The following WDR27 variants were observed in gnomAD, a reference collection of about 807,000 sequenced individuals.
WDR27 encodes WD repeat domain 27, also known as WD repeat-containing protein 27.
WDR27 carries 100 observed loss-of-function variants against 114.4 expected under a neutral mutation model. That is an observed-to-expected ratio of 0.87 (90% CI 0.74 to 1.03). The LOEUF is 1.03. WDR27 is among the 50% of genes least tolerant of loss of function. WDR27 has a pLI of 0.00. For missense variants in WDR27, 1,129 were observed against 1,092.9 expected, an observed-to-expected ratio of 1.03 and a Z score of -0.47; for synonymous variants, 449 against 423.1, an observed-to-expected ratio of 1.06 and a Z score of -0.75.
chr6:169,682,966 A>G (rs573457821), intron 2 of WDR27, among the ~76,000 whole-genome samples: 1 of 152,352 alleles, frequency 6.6e-6, no homozygotes, highest in African/African-American at 2.4e-5. Flanking sequence ...TTCAGCAAAC[A>G]GAAGAAAGAA....
chr6:169,626,179 G>A (rs945850341), intron 21 of WDR27, among the ~76,000 whole-genome samples: 5 of 152,164 alleles, frequency 3.3e-5, no homozygotes, highest in South Asian at 2.1e-4. Context: ...ACAAGCCCGC[G>A]GGGACAGCTG....
intron 23 of WDR27, among the ~76,000 whole-genome samples, chr6:169,601,611 C>T (rs567211341): frequency 3.3e-5 from 5 of 152,268 alleles, no homozygotes; most frequent in South Asian, 4.1e-4. Context: ...ATGAGGTGAA[C>T]GCTGCAGCTG....
At chr6:169,670,856 A>T in intron 3 of WDR27, 163 bp from the exon 4 acceptor site, 1 of 990,678 alleles carries the variant, frequency 1.0e-6, no homozygotes, top group South Asian at 1.9e-5. Context: ...AAAATACTGG[A>T]TATACAGAAG....
At chr6:169,616,214 G>C (rs1211302542) in intron 21 of WDR27, among the ~76,000 whole-genome samples, 2 of 152,204 alleles carry the variant, frequency 1.3e-5, no homozygotes, top group African/African-American at 4.8e-5. Context: ...AAACTAGCTG[G>C]GTGCAGTGGC....
chr6:169,658,298 C>A lies in WDR27; in HGVS notation c.1380G>T (p.Lys460Asn). 1 of 1,601,512 alleles carries A rather than the reference C, an allele frequency of 6.2e-7. No individual in the cohort carries two copies. The highest frequency in any genetic ancestry group is 2.2e-5 in the East Asian group (1 of 44,566). ...YLGIAKEKST[K>N]AASEQRRAAR... ...GACCACGTCGCTGTTCACTAGCAGC[C>A]TTGGTACTCTTCTCCTTGGCAATTC... The change falls in exon 13 of 26, where the codon AAG becomes AAT. Residue 460 changes from lysine (K) to asparagine (N), a missense_variant. By Grantham distance (94) the Lys-to-Asn change is moderately conservative (BLOSUM62 0). Coordinates refer to ENST00000448612, the MANE Select transcript of WDR27 (RefSeq NM_182552.5).
chr6:169,449,262 C>T, the WDR27 span, among the ~76,000 whole-genome samples: 3 of 152,170 alleles, frequency 2.0e-5, no homozygotes, highest in African/African-American at 7.2e-5. Context: ...CACTCATTCA[C>T]CTCTCTCCTC....
chr6:169,563,233 C>T (rs1799924146), intron 25 of WDR27, among the ~76,000 whole-genome samples: 1 of 152,156 alleles, frequency 6.6e-6, no homozygotes, highest in African/African-American at 2.4e-5. Flanking sequence ...AACCCAGCCT[C>T]CTCCACCTCT....
chr6:169,662,251 A>AG, intron 9 of WDR27, 53 bp downstream of exon 9: 8 of 1,584,522 alleles, frequency 5.0e-6, no homozygotes, highest in Non-Finnish European at 6.9e-6. Flanking sequence ...TGTTCATCTA[A>AG]GGAATTTAAG....
chr6:169,486,482 TATTTC>T (rs113492770), intron 25 of WDR27, among the ~76,000 whole-genome samples: 4,614 of 152,088 alleles, frequency 0.03, 209 homozygotes, highest in African/African-American at 0.1. Context: ...GGGTTATTTA[TATTTC>T]ATTTCATTTC....
rs191462777 is a variant in WDR27, at chr6:169,610,199, C to T, written c.2321+3360G>A. Among the ~76,000 whole-genome samples, 33 of 152,332 alleles carry T rather than the reference C, an allele frequency of 2.2e-4. No individual in the cohort carries two copies. In the East Asian group the frequency reaches 6.0e-3, roughly 28 times the overall value. On this transcript the variant is annotated intron_variant, in intron 22 of 25. Coordinates refer to ENST00000448612, the MANE Select transcript of WDR27 (RefSeq NM_182552.5). ...CCCTCCAAACTGTTCCAACCTCTGC[C>T]TGTTACCCAGTTCCAAAGTCGCTTC...
chr6:169,469,592 G>C (rs1007339088), intron 25 of WDR27, among the ~76,000 whole-genome samples: 1 of 152,168 alleles, frequency 6.6e-6, no homozygotes, highest in Non-Finnish European at 1.5e-5. Flanking sequence ...GGGAATTAGC[G>C]CTGCCTGATG....
intron 1 of WDR27, among the ~76,000 whole-genome samples, chr6:169,689,560 G>C (rs1783912990): frequency 6.6e-6 from 1 of 152,202 alleles, no homozygotes; most frequent in Admixed American, 6.5e-5. Flanking sequence ...AGCTACCACA[G>C]GTTCTATAAT....
chr6:169,448,587 T>C, the WDR27 span, among the ~76,000 whole-genome samples: 1 of 152,152 alleles, frequency 6.6e-6, no homozygotes, highest in East Asian at 1.9e-4. Context: ...GCTCCTAATA[T>C]ACACTTCCTT....
At position 169,613,656 on chromosome 6, in the gene WDR27, C is replaced by A. The variant is rs901820879; in HGVS notation, c.2224G>T (p.Gly742Cys). The A allele has an allele frequency of 1.2e-6, 2 of 1,607,312 alleles. No homozygotes were observed. The highest frequency in any genetic ancestry group is 1.1e-5 in the South Asian group (1 of 90,794). The change falls in exon 22 of 26, where the codon GGT becomes TGT. Residue 742 changes from glycine (G) to cysteine (C), a missense_variant and splice_region_variant. Transcript: ENST00000448612. ...GGCTGTTGGGTTGTAAATGATGAACCCTATAATTTTAAGGGGGAAATCAAG... is the reference window on the plus strand; with the variant it reads ...GGCTGTTGGGTTGTAAATGATGAACACTATAATTTTAAGGGGGAAATCAAG... ...RPVHQICQNK[G>C]SSFTTQQPQA... is the part of the protein sequence containing the mutation.
At chr6:169,467,331 T>C (rs940801354) in intron 25 of WDR27, among the ~76,000 whole-genome samples, 2 of 152,158 alleles carry the variant, frequency 1.3e-5, no homozygotes, top group African/African-American at 4.8e-5. Context: ...AGTGCCCCAG[T>C]GGGGACTCTG....
At chr6:169,477,092 CTGAGA>C (rs2115360252) in intron 25 of WDR27, among the ~76,000 whole-genome samples, 2 of 152,316 alleles carry the variant, frequency 1.3e-5, no homozygotes, top group South Asian at 4.1e-4. Context: ...TCAGGATCTA[CTGAGA>C]TAAGAAAGTA....
intron 25 of WDR27, among the ~76,000 whole-genome samples, chr6:169,487,232 G>A (rs1425394205): frequency 6.6e-6 from 1 of 152,168 alleles, no homozygotes; most frequent in Non-Finnish European, 1.5e-5. Flanking sequence ...GACATACAGC[G>A]AATACCATTA....
rs1442672803 is a variant in WDR27 at position 169,638,083 on chromosome 6, G to A, written c.1869+456C>T. 5.0e-5 allele frequency among the ~76,000 whole-genome samples: 4 copies of A among 79,564 alleles called. 1 individual carries two copies. The highest frequency in any genetic ancestry group is 6.6e-4 in the South Asian group (2 of 3,038). 52.2% of individuals were successfully genotyped at this position (79,564 alleles called of 152,430 possible). ...TGTAATCCCAGCACTTTGGGAGGCC[G>A]AGGCGGGTGGATCATGAGGTCAGGA... On this transcript the variant is annotated intron_variant, in intron 18 of 25. Transcript: ENST00000448612.
chr6:169,626,695 C>T (rs896653113), intron 21 of WDR27, among the ~76,000 whole-genome samples: 2 of 152,194 alleles, frequency 1.3e-5, no homozygotes, highest in East Asian at 1.9e-4. Flanking sequence ...ACACCACGTC[C>T]GTGAGTAAGT....
Sources: allele counts gnomAD v4.1 joint callset (sites outside exome capture counted in the v4.1 genomes callset), GRCh38; gene constraint gnomAD v4.1.1; transcripts MANE v1.5; gene names NCBI Gene and HGNC (gene_info 2026-07-23, HGNC 2026-07-21).